The following ACSS3 variants were observed in gnomAD, a reference collection of about 807,000 sequenced individuals.
ACSS3 encodes acyl-CoA synthetase short chain family member 3.
ACSS3 carries 64 observed loss-of-function variants against 84.2 expected under a neutral mutation model. The observed-to-expected ratio is 0.76, with a 90% CI of 0.62 to 0.94. The LOEUF (loss-of-function observed/expected upper bound fraction) is 0.94. ACSS3 is among the 40% of genes least tolerant of loss of function. ACSS3 has a pLI of 0.00. For missense variants in ACSS3, 815 were observed against 867.6 expected, an observed-to-expected ratio of 0.94 and a Z score of 0.76; for synonymous variants, 317 against 310.1, an observed-to-expected ratio of 1.02 and a Z score of -0.23.
chr12:81,237,349 A>G (rs987846230), intron 13 of ACSS3, among the ~76,000 whole-genome samples: 1 of 151,516 alleles, frequency 6.6e-6, no homozygotes, highest in Admixed American at 6.6e-5. Flanking sequence ...AATTTTTCAG[A>G]TGTTTCAAGA....
At chr12:81,207,345 A>G (rs746433174) in intron 9 of ACSS3, among the ~76,000 whole-genome samples, 4 of 152,152 alleles carry the variant, frequency 2.6e-5, no homozygotes, top group Non-Finnish European at 5.9e-5. Flanking sequence ...AATTTGGAAA[A>G]CAGCAGGTGG....
chr12:81,184,532 C>T (rs906834528), intron 8 of ACSS3, among the ~76,000 whole-genome samples: 19 of 151,462 alleles, frequency 1.3e-4, no homozygotes, highest in Non-Finnish European at 1.5e-4. Flanking sequence ...TTTACAAACT[C>T]TTAATGAAAA....
At position 81,244,343 on chromosome 12, in the gene ACSS3, A is replaced by AT. The variant is rs538993754; in HGVS notation, c.1720-8953dup. Among the ~76,000 whole-genome samples, 273 of 145,928 alleles carry AT rather than the reference A, an allele frequency of 1.9e-3. 4 individuals carry two copies. Among genetic ancestry groups the AT allele is most frequent in the South Asian group, 0.012 (57 of 4,610 alleles). ...TGAGTATGATATGCCTACATGTAGG[A>AT]TTTTTTTTTTTACATTTATCTTGCT... is the stretch of plus-strand genomic sequence containing the variant. On this transcript the variant is annotated intron_variant, in intron 13 of 15. Coordinates refer to ENST00000548058, the MANE Select transcript of ACSS3 (RefSeq NM_024560.4).
At chr12:81,220,737 T>C (rs922267659) in intron 11 of ACSS3, among the ~76,000 whole-genome samples, 4 of 152,040 alleles carry the variant, frequency 2.6e-5, no homozygotes, top group African/African-American at 4.8e-5. Flanking sequence ...TTGACAAACA[T>C]TTTACAATGG....
rs536518194 is a variant in ACSS3, at chr12:81,172,250, G to T, written c.1099-2538G>T. Among the ~76,000 whole-genome samples, 3 of 41,226 alleles carry T rather than the reference G, an allele frequency of 7.3e-5. No individual in the cohort carries two copies. The East Asian group carries it at 2.6e-3, about 36-fold the overall frequency. The allele number at this position is 41,226 out of a possible 152,430, so 27.0% of individuals were successfully genotyped here. ...CACTGCACTCCAGCCTGAGAGTGAG[G>T]CTCTGTCTCAAAAAAAAAAAAAAAA... On this transcript the variant is annotated intron_variant, in intron 7 of 15. Transcript: ENST00000548058.
Position 81,231,118 on chromosome 12 carries a change from T to C in ACSS3, c.1576T>C (p.Leu526=). The C allele has an allele frequency of 6.2e-7, 1 of 1,609,710 alleles. No individual in the cohort carries two copies. Among genetic ancestry groups the C allele is most frequent in the Non-Finnish European group, 8.5e-7 (1 of 1,177,802 alleles). Residue 526 remains leucine, a synonymous_variant, in exon 12 of 16, where the codon TTA becomes CTA. Coordinates refer to ENST00000548058, the MANE Select transcript of ACSS3 (RefSeq NM_024560.4). ...GAAGAATCAGGAAGCATTCAAGCAT[T>C]TATACTTTGAAAAATTTCCTGTAAG... The part of the protein sequence containing the change: ...LWKNQEAFKH[L]YFEKFPGYYD...
intron 9 of ACSS3, among the ~76,000 whole-genome samples, chr12:81,213,839 T>TCC (rs2032744868): frequency 4.6e-5 from 5 of 108,508 alleles, no homozygotes; most frequent in African/African-American, 1.6e-4. Flanking sequence ...TTCTCTTCTC[T>TCC]TCTCTCCTCT....
chr12:81,099,765 G>C (rs371637277), intron 1 of ACSS3, among the ~76,000 whole-genome samples: 1 of 151,810 alleles, frequency 6.6e-6, no homozygotes, highest in East Asian at 1.9e-4. Context: ...TATTTGAATA[G>C]TAAATACATA....
chr12:81,151,848 T>C lies in ACSS3; in HGVS notation c.926T>C (p.Val309Ala), dbSNP rs1565693166. The C allele has an allele frequency of 1.5e-5, 24 of 1,613,194 alleles. No homozygotes were observed. Among genetic ancestry groups the C allele is most frequent in the Non-Finnish European group, 1.9e-5 (23 of 1,179,498 alleles). Reference protein sequence around the residue: ...TSGTTGLPKGVIRPTGGYAVM... With the variant: ...TSGTTGLPKGAIRPTGGYAVM... ...TTTCACTTTTTCTCTCCTTAGGGTGTGATTAGGCCCACTGGGGGATACGCT... is the reference window on the plus strand; with the variant it reads ...TTTCACTTTTTCTCTCCTTAGGGTGCGATTAGGCCCACTGGGGGATACGCT... Residue 309 changes from valine (V) to alanine (A), a missense_variant, in exon 6 of 16, where the codon GTG becomes GCG. Physicochemically the swap from Val to Ala is moderately conservative, Grantham distance 64. Transcript: ENST00000548058.
chr12:81,228,329 A>T (rs114552824), intron 11 of ACSS3, among the ~76,000 whole-genome samples: 1 of 151,832 alleles, frequency 6.6e-6, no homozygotes, highest in Non-Finnish European at 1.5e-5. Context: ...CTACAGGTAT[A>T]TATAAACTTA....
At chr12:81,182,015 C>T (rs2030969596) in intron 8 of ACSS3, among the ~76,000 whole-genome samples, 1 of 152,022 alleles carries the variant, frequency 6.6e-6, no homozygotes, top group Non-Finnish European at 1.5e-5. Flanking sequence ...ATGAAAAATT[C>T]TGAAAACTAA....
chr12:81,176,495 A>AC (rs1399817832), intron 8 of ACSS3, among the ~76,000 whole-genome samples: 1 of 151,972 alleles, frequency 6.6e-6, no homozygotes, highest in Non-Finnish European at 1.5e-5. Context: ...AATTGCTTGA[A>AC]CCCAGGAGGT....
chr12:81,079,033 G>C (rs573428669), intron 1 of ACSS3, among the ~76,000 whole-genome samples: 1 of 152,196 alleles, frequency 6.6e-6, no homozygotes, highest in Admixed American at 6.5e-5. Context: ...GGCTGGGTCC[G>C]GAAGGGATTT....
At chr12:81,230,806 A>T (rs189614860) in intron 11 of ACSS3, among the ~76,000 whole-genome samples, 1 of 151,962 alleles carries the variant, frequency 6.6e-6, no homozygotes, top group East Asian at 1.9e-4. Context: ...GCTAATAGTT[A>T]TTTGATTTCC....
chr12:81,167,658 C>T (rs868472621), intron 7 of ACSS3, among the ~76,000 whole-genome samples: 16 of 152,222 alleles, frequency 1.1e-4, no homozygotes, highest in Middle Eastern at 6.8e-3. Flanking sequence ...CACCATTTGT[C>T]CATTCATGAA....
At position 81,231,058 on chromosome 12, in the gene ACSS3, T is replaced by C. The variant is rs747384474; in HGVS notation, c.1516T>C (p.Leu506=). The C allele has an allele frequency of 1.5e-5, 24 of 1,609,298 alleles. No individual in the cohort carries two copies. The highest frequency in any genetic ancestry group is 3.4e-5 in the Admixed American group (2 of 59,598). Reference sequence around the variant, plus strand: ...TTAACTTCTCTGTTTTTATATAAGGTTACCATTGCCACCTGGGGCTTTTTC... The same window carrying C: ...TTAACTTCTCTGTTTTTATATAAGGCTACCATTGCCACCTGGGGCTTTTTC... ...ARCLGNIVVK[L]PLPPGAFSGL... Residue 506 remains leucine (L), a splice_region_variant and synonymous_variant, in exon 12 of 16, where the codon TTA becomes CTA. Coordinates refer to ENST00000548058, the MANE Select transcript of ACSS3 (RefSeq NM_024560.4).
chr12:81,243,377 A>G (rs1474394918), intron 13 of ACSS3, among the ~76,000 whole-genome samples: 1 of 152,240 alleles, frequency 6.6e-6, no homozygotes, highest in Non-Finnish European at 1.5e-5. Flanking sequence ...AAGAAATGCA[A>G]GAACATTCCA....
chr12:81,224,376 T>A lies in ACSS3; in HGVS notation c.1514+4300T>A, dbSNP rs553940962. ...AAGACCTTCACTTAATGTGTAATAA[T>A]CCTTAGCAATAAGAAGAAAGGTGTT... is the stretch of plus-strand genomic sequence containing the variant. On this transcript the variant is annotated intron_variant, in intron 11 of 15. Transcript: ENST00000548058. Among the ~76,000 whole-genome samples the A allele has an allele frequency of 3.3e-5, 5 of 151,922 alleles. No homozygotes were observed. The East Asian group carries it at 7.8e-4, about 24-fold the overall frequency.
At chr12:81,100,959 A>G (rs902693907) in intron 1 of ACSS3, among the ~76,000 whole-genome samples, 4 of 152,230 alleles carry the variant, frequency 2.6e-5, no homozygotes, top group Admixed American at 6.5e-5. Flanking sequence ...AATGCCTAGA[A>G]GGAAGGCAAC....
Sources: gnomAD v4.1 joint callset for allele counts (sites outside exome capture counted in the v4.1 genomes callset) on GRCh38, gnomAD v4.1.1 for gene constraint, MANE v1.5 for transcripts, NCBI Gene and HGNC (gene_info 2026-07-23, HGNC 2026-07-21) for gene names.